Variants in ABTB3 observed in about 807,000 individuals in gnomAD.
ABTB3 encodes the protein ankyrin repeat- and BTB/POZ domain-containing protein 3.
chr12:107,495,586 C>T, the ABTB3 span, among the ~76,000 whole-genome samples: 5 of 152,324 alleles, frequency 3.3e-5, no homozygotes, highest in Admixed American at 1.3e-4. Flanking sequence ...TCCTTCCATG[C>T]CCACCTCCAA....
the ABTB3 span, among the ~76,000 whole-genome samples, chr12:107,487,121 C>A: frequency 6.6e-6 from 1 of 152,162 alleles, no homozygotes; most frequent in Admixed American, 6.5e-5. Context: ...CCCTTCCTCT[C>A]CCCACACCCT....
At chr12:107,536,012 CA>C in the ABTB3 span, among the ~76,000 whole-genome samples, 1 of 152,026 alleles carries the variant, frequency 6.6e-6, no homozygotes, top group African/African-American at 2.4e-5. Context: ...CAATAATAAC[CA>C]AAACAGCATG....
chr12:107,596,474 A>G, the ABTB3 span, among the ~76,000 whole-genome samples: 1 of 152,172 alleles, frequency 6.6e-6, no homozygotes, highest in South Asian at 2.1e-4. Context: ...TTAGCCAGGC[A>G]TGGTAGTGGA....
the ABTB3 span, among the ~76,000 whole-genome samples, chr12:107,372,091 T>C: frequency 6.6e-6 from 1 of 152,354 alleles, no homozygotes; most frequent in South Asian, 2.1e-4. Context: ...AGTGAAGATA[T>C]ATTTTCTGTA....
the ABTB3 span, chr12:107,612,896 C>T: frequency 5.6e-6 from 9 of 1,602,752 alleles, no homozygotes; most frequent in Non-Finnish European, 7.7e-6. Flanking sequence ...CAGCAGGGCC[C>T]CTCGGCCGGC....
the ABTB3 span, among the ~76,000 whole-genome samples, chr12:107,541,546 A>T: frequency 2.0e-5 from 3 of 152,368 alleles, no homozygotes; most frequent in African/African-American, 7.2e-5. Context: ...GCAGGCCAGC[A>T]GGCTGGAGAT....
chr12:107,433,296 CAAAAAAAAAAAAAA>C, the ABTB3 span, among the ~76,000 whole-genome samples: 2 of 23,120 alleles, frequency 8.7e-5, no homozygotes, highest in African/African-American at 1.3e-4. Flanking sequence ...GACTCCGTCT[CAAAAAAAAAAAAAA>C]AAAAAAAAAA....
At chr12:107,428,879 A>C in the ABTB3 span, among the ~76,000 whole-genome samples, 1 of 152,216 alleles carries the variant, frequency 6.6e-6, no homozygotes, top group Non-Finnish European at 1.5e-5. Flanking sequence ...CATCCCAGTG[A>C]GGTGGGTGCT....
At chr12:107,456,639 T>C in the ABTB3 span, among the ~76,000 whole-genome samples, 1 of 152,120 alleles carries the variant, frequency 6.6e-6, no homozygotes, top group Non-Finnish European at 1.5e-5. Context: ...AAATATGCAA[T>C]AAATGTAATG....
At chr12:107,656,803 T>G in the ABTB3 span, among the ~76,000 whole-genome samples, 1 of 152,204 alleles carries the variant, frequency 6.6e-6, no homozygotes, top group Non-Finnish European at 1.5e-5. Flanking sequence ...GGAGCCTCAG[T>G]TTCCCCACCT....
the ABTB3 span, among the ~76,000 whole-genome samples, chr12:107,412,425 G>A: frequency 1.3e-5 from 2 of 152,212 alleles, no homozygotes; most frequent in South Asian, 2.1e-4. Context: ...AAGAGGCAGC[G>A]AAGGGGAGCC....
the ABTB3 span, chr12:107,649,617 C>T: frequency 2.5e-4 from 70 of 281,344 alleles, no homozygotes; most frequent in Admixed American, 6.8e-4. Flanking sequence ...ACAGCTGAGG[C>T]GTTAATAGTG....
chr12:107,358,341 C>T, the ABTB3 span, among the ~76,000 whole-genome samples: 1 of 152,058 alleles, frequency 6.6e-6, no homozygotes, highest in Non-Finnish European at 1.5e-5. Context: ...TCCACAGATA[C>T]CTGGAGAAGG....
chr12:107,613,823 A>G, the ABTB3 span, among the ~76,000 whole-genome samples: 7 of 152,252 alleles, frequency 4.6e-5, no homozygotes, highest in South Asian at 1.5e-3. Flanking sequence ...AAACCTTTTC[A>G]GTTCAAAATT....
At chr12:107,620,220 C>G in the ABTB3 span, 57 of 1,591,570 alleles carry the variant, frequency 3.6e-5, no homozygotes, top group Non-Finnish European at 4.8e-5. Flanking sequence ...CTGGAGGTTC[C>G]CAGATCTGAA....
chr12:107,634,940 T>G, the ABTB3 span: 2 of 175,140 alleles, frequency 1.1e-5, no homozygotes, highest in Non-Finnish European at 2.4e-5. Context: ...GCTTCCAGAA[T>G]TTTAGAGTAC....
chr12:107,424,471 T>G, the ABTB3 span, among the ~76,000 whole-genome samples: 1 of 152,182 alleles, frequency 6.6e-6, no homozygotes, highest in African/African-American at 2.4e-5. Flanking sequence ...TGAAAGAATT[T>G]AAAAGGCTGC....
chr12:107,397,202 C>T, the ABTB3 span, among the ~76,000 whole-genome samples: 1 of 152,170 alleles, frequency 6.6e-6, no homozygotes, highest in Admixed American at 6.5e-5. Context: ...GCCTGTTTTC[C>T]AAACAGGCCG....
chr12:107,600,491 A>T, the ABTB3 span, among the ~76,000 whole-genome samples: 1 of 152,202 alleles, frequency 6.6e-6, no homozygotes. Context: ...CTCTTCCAAG[A>T]CAACTAATCT....
Sources: allele counts gnomAD v4.1 joint callset (sites outside exome capture counted in the v4.1 genomes callset), GRCh38; gene constraint gnomAD v4.1.1; transcripts MANE v1.5; gene names NCBI Gene and HGNC (gene_info 2026-07-23, HGNC 2026-07-21).